Variants in CNTNAP2 observed in about 807,000 individuals in gnomAD.
CNTNAP2 encodes contactin-associated protein-like 2.
CNTNAP2 carries 98 observed loss-of-function variants against 155.2 expected under a neutral mutation model. That is an observed-to-expected ratio of 0.63 (90% confidence interval 0.54 to 0.75). CNTNAP2 has a LOEUF of 0.75. Ranked by LOEUF, CNTNAP2 falls within the 30% of genes least tolerant of loss-of-function variation. The pLI is 0.00. For missense variants in CNTNAP2, 1,727 were observed against 1,688.1 expected, an observed-to-expected ratio of 1.02 and a Z score of -0.40; for synonymous variants, 651 against 631.2, an observed-to-expected ratio of 1.03 and a Z score of -0.47.
At chr7:147,380,159 A>C (rs569673569) in intron 9 of CNTNAP2, among the ~76,000 whole-genome samples, 1 of 152,130 alleles carries the variant, frequency 6.6e-6, no homozygotes, top group East Asian at 1.9e-4. Flanking sequence ...ATATCAGAAA[A>C]TTTATGTTAT....
intron 1 of CNTNAP2, among the ~76,000 whole-genome samples, chr7:146,192,674 AG>A (rs1798723965): frequency 6.6e-6 from 1 of 152,174 alleles, no homozygotes; most frequent in South Asian, 2.1e-4. Flanking sequence ...CTACAATTCA[AG>A]GTGGGTGGGG....
chr7:147,977,961 C>T lies in CNTNAP2; in HGVS notation c.2355C>T (p.Ser785=), dbSNP rs755203479. The T allele has an allele frequency of 9.3e-6, 15 of 1,613,948 alleles. No homozygotes were observed. The highest frequency in any genetic ancestry group is 8.5e-6 in the Non-Finnish European group (10 of 1,180,004). ...GTCAAGGCTCAGAAGCCAAATTGAG[C>T]GTAGGTCCTCTGCGCTGCCAAGGAG... ...TDRQGSEAKL[S]VGPLRCQGDR... is the part of the protein sequence containing the mutation. Residue 785 remains serine, a synonymous_variant, in exon 15 of 24, where the codon AGC becomes AGT. Coordinates refer to ENST00000361727, the MANE Select transcript of CNTNAP2 (RefSeq NM_014141.6).
intron 8 of CNTNAP2, among the ~76,000 whole-genome samples, chr7:147,227,497 A>G (rs1027118254): frequency 7.2e-5 from 11 of 152,218 alleles, no homozygotes; most frequent in African/African-American, 2.7e-4. Flanking sequence ...GTTAGAAAAT[A>G]TTACAAATAT....
chr7:146,906,461 G>A (rs573356840), intron 3 of CNTNAP2, among the ~76,000 whole-genome samples: 67 of 152,064 alleles, frequency 4.4e-4, no homozygotes, highest in Admixed American at 2.3e-3. Context: ...ATCTGAAAAC[G>A]GGCAGACTGC....
At chr7:146,706,934 A>C (rs896340935) in intron 1 of CNTNAP2, among the ~76,000 whole-genome samples, 9 of 150,696 alleles carry the variant, frequency 6.0e-5, no homozygotes, top group African/African-American at 2.0e-4. Flanking sequence ...AAAAAAAAAA[A>C]GATTCAAAGG....
At chr7:146,845,649 T>G (rs1273771896) in intron 3 of CNTNAP2, among the ~76,000 whole-genome samples, 1 of 152,230 alleles carries the variant, frequency 6.6e-6, no homozygotes, top group Admixed American at 6.5e-5. Flanking sequence ...CTCTTTTTAC[T>G]CTTATTCATG....
At chr7:148,355,828 G>T (rs1290419678) in intron 21 of CNTNAP2, among the ~76,000 whole-genome samples, 2 of 152,168 alleles carry the variant, frequency 1.3e-5, no homozygotes, top group Admixed American at 1.3e-4. Flanking sequence ...TATCACAAAG[G>T]AAAGCCACAT....
chr7:147,746,742 C>T (rs1392409361), intron 13 of CNTNAP2, among the ~76,000 whole-genome samples: 3 of 152,114 alleles, frequency 2.0e-5, no homozygotes, highest in East Asian at 1.9e-4. Context: ...TTAAAATACA[C>T]GCATTTTGGT....
At chr7:148,254,687 A>C (rs1796429646) in intron 20 of CNTNAP2, among the ~76,000 whole-genome samples, 1 of 151,484 alleles carries the variant, frequency 6.6e-6, no homozygotes. Context: ...GAGGCAGGAG[A>C]ATCGCTTGAA....
At chr7:148,364,781 A>G (rs1798705055) in intron 21 of CNTNAP2, among the ~76,000 whole-genome samples, 1 of 152,206 alleles carries the variant, frequency 6.6e-6, no homozygotes, top group Admixed American at 6.5e-5. Flanking sequence ...GAATAAAAGC[A>G]GGCTGCCCGA....
At chr7:146,266,491 AT>A (rs1044374181) in intron 1 of CNTNAP2, among the ~76,000 whole-genome samples, 3 of 152,012 alleles carry the variant, frequency 2.0e-5, no homozygotes, top group Non-Finnish European at 1.5e-5. Context: ...TCACAACTTG[AT>A]TTTTTTTATT....
chr7:147,553,169 G>A (rs1015808044), intron 11 of CNTNAP2, among the ~76,000 whole-genome samples: 4 of 152,168 alleles, frequency 2.6e-5, no homozygotes. Flanking sequence ...TGAAGAAGCA[G>A]GAGTTCCCCT....
intron 12 of CNTNAP2, among the ~76,000 whole-genome samples, chr7:147,627,591 C>T (rs1478164113): frequency 6.8e-6 from 1 of 147,398 alleles, no homozygotes; most frequent in Non-Finnish European, 1.5e-5. Flanking sequence ...ACTTGGGAGG[C>T]TGAGGCAGGA....
chr7:147,653,648 G>T (rs1265846360), intron 13 of CNTNAP2, among the ~76,000 whole-genome samples: 1 of 152,148 alleles, frequency 6.6e-6, no homozygotes, highest in African/African-American at 2.4e-5. Context: ...AGGGCACTGG[G>T]TGTATAAGCA....
At chr7:146,372,531 G>A (rs1335374811) in intron 1 of CNTNAP2, among the ~76,000 whole-genome samples, 1 of 152,082 alleles carries the variant, frequency 6.6e-6, no homozygotes. Flanking sequence ...TTCACCACAT[G>A]TTTTAAAAGC....
At chr7:146,814,832 G>A (rs1803133495) in intron 2 of CNTNAP2, among the ~76,000 whole-genome samples, 1 of 151,968 alleles carries the variant, frequency 6.6e-6, no homozygotes, top group African/African-American at 2.4e-5. Context: ...AGTCATTTCT[G>A]GTATGATCAA....
intron 2 of CNTNAP2, among the ~76,000 whole-genome samples, chr7:146,774,626 G>T: frequency 6.6e-6 from 1 of 152,068 alleles, no homozygotes; most frequent in Non-Finnish European, 1.5e-5. Flanking sequence ...TTTTGAAGTT[G>T]CCTGGGATAA....
chr7:146,721,318 T>A (rs1410762312), intron 1 of CNTNAP2, among the ~76,000 whole-genome samples: 1 of 127,714 alleles, frequency 7.8e-6, no homozygotes, highest in Non-Finnish European at 1.5e-5. Flanking sequence ...CTATATATAT[T>A]CTATATATAC....
chr7:146,500,857 G>T (rs972122429), intron 1 of CNTNAP2, among the ~76,000 whole-genome samples: 7 of 152,058 alleles, frequency 4.6e-5, no homozygotes, highest in African/African-American at 1.2e-4. Flanking sequence ...ACTATGAGTT[G>T]TTCATTGTTG....
Sources: allele counts gnomAD v4.1 joint callset (sites outside exome capture counted in the v4.1 genomes callset), GRCh38; gene constraint gnomAD v4.1.1; transcripts MANE v1.5; gene names NCBI Gene and HGNC (gene_info 2026-07-23, HGNC 2026-07-21).